The following ZNF99 variants were observed in gnomAD, a reference collection of about 807,000 sequenced individuals.
The protein encoded by ZNF99 is zinc finger protein ENSP00000375192.
ZNF99 carries 8 observed loss-of-function variants against 12.8 expected under a neutral mutation model. That is an observed-to-expected ratio of 0.62 (90% CI 0.37 to 1.13). The LOEUF (loss-of-function observed/expected upper bound fraction) is 1.13. Ranked by LOEUF, ZNF99 falls within the 50% of genes most tolerant of loss-of-function variation. ZNF99 has a pLI of 0.02. For synonymous variants in ZNF99, 318 were observed against 319.0 expected, an observed-to-expected ratio of 1.00 and a Z score of 0.03; for missense variants, 1,007 against 1,006.2, an observed-to-expected ratio of 1.00 and a Z score of -0.01.
intron 1 of ZNF99, among the ~76,000 whole-genome samples, chr19:22,780,238 T>C (rs1568388939): frequency 2.0e-5 from 3 of 152,330 alleles, no homozygotes. Context: ...CCCTTGGTTT[T>C]TGAAAGTAAG....
rs189782005 is a variant in ZNF99 at position 22,774,586 on chromosome 19, C to T, written c.4-5262G>A. Among the ~76,000 whole-genome samples, 663 of 152,262 alleles carry T rather than the reference C, an allele frequency of 4.4e-3. 8 individuals carry two copies. The highest frequency in any genetic ancestry group is 0.015 in the African/African-American group (633 of 41,562). On this transcript the variant is annotated intron_variant, in intron 1 of 3. Transcript: ENST00000596209. ...TTAGTGAAATGAAAGACACTATTAA[C>T]AGGCCAGGCACAGTGGCTCACATCT...
rs748077305 is a variant in ZNF99 at position 22,757,270 on chromosome 19, T to C, written c.*44A>G. ...TAAGGGTTGAGGAATTGTTAAAAGC[T>C]TTGCCACATTCTTCACATTTGTAGG... On this transcript the variant is annotated 3_prime_UTR_variant, in exon 4 of 4. Coordinates refer to ENST00000596209, the MANE Select transcript of ZNF99 (RefSeq NM_001080409.3). The C allele has an allele frequency of 3.7e-6, 6 of 1,611,302 alleles. No homozygotes were observed. The highest frequency in any genetic ancestry group is 5.1e-6 in the Non-Finnish European group (6 of 1,178,350).
At chr19:22,782,111 C>T (rs540427544) in intron 1 of ZNF99, among the ~76,000 whole-genome samples, 11 of 152,180 alleles carry the variant, frequency 7.2e-5, no homozygotes, top group Non-Finnish European at 1.5e-4. Flanking sequence ...AAAATGTACA[C>T]TAAGGACAAA....
chr19:22,758,479 C>A lies in ZNF99; in HGVS notation c.1430G>T (p.Gly477Val). ...ALRKHEIIHT[G>V]EKPYKCEECG... ...TTCTTCACATTTGTAGGGTTTCTCT[C>A]CAGTATGAATTATCTCATGTTTTCT... The change falls in exon 4 of 4, where the codon GGA becomes GTA. Residue 477 changes from glycine to valine, a missense_variant. Gly to Val is a moderately radical substitution (Grantham distance 109). Transcript: ENST00000596209. 1.9e-6 allele frequency: 3 copies of A among 1,613,062 alleles called. No homozygotes were observed. The highest frequency in any genetic ancestry group is 2.5e-6 in the Non-Finnish European group (3 of 1,179,670).
At position 22,758,747 on chromosome 19, in the gene ZNF99, CAT is replaced by C; in HGVS notation, c.1160_1161del (p.His387ArgfsTer13). ...AFSNLSALRK[H>X]EIIHTGQKPY... is the part of the protein sequence containing the mutation. ...GGTTTCTGTCCAGTATGAATTATCT[CAT>C]GTTTTCTAAGGGCTGACAAATTGCT... is the stretch of plus-strand genomic sequence containing the variant. On this transcript the variant is annotated frameshift_variant, in exon 4 of 4. Coordinates refer to ENST00000596209, the MANE Select transcript of ZNF99 (RefSeq NM_001080409.3). LOFTEE classifies it low-confidence loss of function (END_TRUNC). 1.9e-6 allele frequency: 3 copies of C among 1,612,440 alleles called. No individual in the cohort carries two copies. Among genetic ancestry groups the C allele is most frequent in the Non-Finnish European group, 2.5e-6 (3 of 1,179,418 alleles).
chr19:22,778,019 G>T (rs920626872), intron 1 of ZNF99, among the ~76,000 whole-genome samples: 10 of 118,792 alleles, frequency 8.4e-5, no homozygotes, highest in Non-Finnish European at 1.6e-4. Context: ...GTCGTGGGGT[G>T]GGGGGAGGGG....
chr19:22,756,102 T>C lies in ZNF99; in HGVS notation c.*1212A>G. ...AGGCTTGAGGACTGGTTAAAAGCTT[T>C]GCCACATTCTTCACATATGGAGGGT... On this transcript the variant is annotated 3_prime_UTR_variant, in exon 4 of 4. Coordinates refer to ENST00000596209, the MANE Select transcript of ZNF99 (RefSeq NM_001080409.3). The C allele has an allele frequency of 2.1e-6, 3 of 1,454,208 alleles. No individual in the cohort carries two copies. The highest frequency in any genetic ancestry group is 2.8e-6 in the Non-Finnish European group (3 of 1,082,286). 90.1% of individuals were successfully genotyped at this position (1,454,208 alleles called of 1,614,324 possible). A position where few individuals can be genotyped will look rare whatever the true frequency, so the allele number is the denominator to read the frequency against.
intron 3 of ZNF99, among the ~76,000 whole-genome samples, chr19:22,766,989 C>G (rs865914232): frequency 6.7e-6 from 1 of 150,282 alleles, no homozygotes; most frequent in African/African-American, 2.4e-5. Flanking sequence ...ATAAATTTAT[C>G]AAACTACTTA....
rs1423624243 is a variant in ZNF99, at chr19:22,752,321, G to A, written c.*4993C>T. 1 of 150,688 alleles carries A rather than the reference G, an allele frequency of 6.6e-6. No homozygotes were observed. The highest frequency in any genetic ancestry group is 1.5e-5 in the Non-Finnish European group (1 of 67,624). The allele number at this position is 150,688 out of a possible 1,614,324, so 9.3% of individuals were successfully genotyped here. A position where few individuals can be genotyped will look rare whatever the true frequency, so the allele number is the denominator to read the frequency against. Reference sequence around the variant, plus strand: ...TAGATTTGGATTGCTTGTAATTCAAGGAATAAATGTTGAAGGTGAAGAATC... The same window carrying A: ...TAGATTTGGATTGCTTGTAATTCAAAGAATAAATGTTGAAGGTGAAGAATC... On this transcript the variant is annotated 3_prime_UTR_variant, in exon 4 of 4. Transcript: ENST00000596209.
Position 22,757,264 on chromosome 19 carries a change from A to T in ZNF99, c.*50T>A, listed in dbSNP as rs375870113. 6.2e-7 allele frequency: 1 copy of T among 1,611,108 alleles called. No homozygotes were observed. The highest frequency in any genetic ancestry group is 8.5e-7 in the Non-Finnish European group (1 of 1,178,178). On this transcript the variant is annotated 3_prime_UTR_variant, in exon 4 of 4. Coordinates refer to ENST00000596209, the MANE Select transcript of ZNF99 (RefSeq NM_001080409.3). ...GTTTCCTAAGGGTTGAGGAATTGTT[A>T]AAAGCTTTGCCACATTCTTCACATT... is the stretch of plus-strand genomic sequence containing the variant.
chr19:22,776,868 AGGTTT>A (rs1437952621), intron 1 of ZNF99, among the ~76,000 whole-genome samples: 1 of 148,556 alleles, frequency 6.7e-6, no homozygotes, highest in East Asian at 2.0e-4. Context: ...GGTACAGGTA[AGGTTT>A]GGTGGCTCAT....
At chr19:22,783,769 C>T (rs932204147) in intron 1 of ZNF99, among the ~76,000 whole-genome samples, 3 of 152,176 alleles carry the variant, frequency 2.0e-5, no homozygotes, top group African/African-American at 7.2e-5. Context: ...GGGTGAAGAG[C>T]GGCCCAGAGA....
intron 1 of ZNF99, among the ~76,000 whole-genome samples, chr19:22,779,456 G>A (rs538580129): frequency 1.6e-4 from 24 of 152,160 alleles, no homozygotes; most frequent in Non-Finnish European, 2.5e-4. Flanking sequence ...CCCGGGAGGC[G>A]GAGGTTGCAG....
At chr19:22,770,485 T>C (rs979083997) in intron 1 of ZNF99, 2 of 152,262 alleles carry the variant, frequency 1.3e-5, no homozygotes, top group South Asian at 2.1e-4. Context: ...GCCTCCCGGG[T>C]AGCTGGGACT....
At chr19:22,765,302 G>A (rs1171875566) in intron 3 of ZNF99, among the ~76,000 whole-genome samples, 1 of 152,102 alleles carries the variant, frequency 6.6e-6, no homozygotes, top group East Asian at 1.9e-4. Context: ...AAAGGCATAA[G>A]AATGACACAG....
intron 3 of ZNF99, among the ~76,000 whole-genome samples, chr19:22,760,356 C>T (rs1973136517): frequency 6.6e-6 from 1 of 152,180 alleles, no homozygotes; most frequent in South Asian, 2.1e-4. Flanking sequence ...AACAGTGGCA[C>T]ATACATATTT....
chr19:22,773,841 C>T (rs143983905), intron 1 of ZNF99: 33 of 152,340 alleles, frequency 2.2e-4, no homozygotes, highest in African/African-American at 7.5e-4. Context: ...CAGCAGCACT[C>T]CAGTGACACC....
chr19:22,780,111 G>A (rs1369239096), intron 1 of ZNF99, among the ~76,000 whole-genome samples: 1 of 152,132 alleles, frequency 6.6e-6, no homozygotes, highest in Admixed American at 6.6e-5. Context: ...GATATCTGCA[G>A]AGAAGACTCC....
chr19:22,758,982 T>A lies in ZNF99; in HGVS notation c.927A>T (p.Gly309=). 6.2e-7 allele frequency: 1 copy of A among 1,613,920 alleles called. No individual in the cohort carries two copies. Residue 309 remains glycine (G), a synonymous_variant, in exon 4 of 4, where the codon GGA becomes GGT. Transcript: ENST00000596209. The part of the protein sequence containing the change: ...HLTRHKAIHT[G]EKPYKCEECG... ...ATTCTTCGCATTTGTAGGGTTTCTCTCCAGTATGAATTGCTTTATGTCTAG... is the reference window on the plus strand; with the variant it reads ...ATTCTTCGCATTTGTAGGGTTTCTCACCAGTATGAATTGCTTTATGTCTAG...
Sources: allele counts gnomAD v4.1 joint callset (sites outside exome capture counted in the v4.1 genomes callset), GRCh38; gene constraint gnomAD v4.1.1; transcripts MANE v1.5; gene names NCBI Gene and HGNC (gene_info 2026-07-23, HGNC 2026-07-21).